Variants in NPAS3 observed in about 807,000 individuals in gnomAD.
The protein encoded by NPAS3 is neuronal PAS domain-containing protein 3.
A neutral mutation model predicts 73.1 loss-of-function variants in NPAS3; 14 were observed. That is an observed-to-expected ratio of 0.19 (90% CI 0.13 to 0.30). NPAS3 has a LOEUF of 0.30. Among genes scored for constraint, NPAS3 ranks in the 10% least tolerant of loss-of-function variants. NPAS3 has a pLI of 1.00. For missense variants in NPAS3, 1,096 were observed against 1,250.0 expected (o/e 0.88, Z 1.86); for synonymous variants, 620 against 541.5 (o/e 1.14, Z -2.01).
intron 1 of NPAS3, among the ~76,000 whole-genome samples, chr14:33,049,416 A>G (rs2040624772): frequency 1.3e-5 from 2 of 152,222 alleles, no homozygotes; most frequent in Admixed American, 1.3e-4. Flanking sequence ...TTAATGGAGA[A>G]CTCACAGTTC....
intron 5 of NPAS3, among the ~76,000 whole-genome samples, chr14:33,562,899 G>GCGCACACACACACA (rs1555412944): frequency 2.7e-5 from 4 of 149,736 alleles, no homozygotes; most frequent in African/African-American, 9.9e-5. Flanking sequence ...TCTTTTATGA[G>GCGCACACACACACA]CACACACACA....
chr14:33,064,824 A>G (rs550605549), intron 2 of NPAS3, among the ~76,000 whole-genome samples: 1 of 152,312 alleles, frequency 6.6e-6, no homozygotes, highest in African/African-American at 2.4e-5. Flanking sequence ...GTTTCTATGA[A>G]TAACACTTTT....
chr14:33,533,383 C>T (rs10145123), intron 4 of NPAS3, among the ~76,000 whole-genome samples: 53,997 of 151,872 alleles, frequency 0.36, 9,905 homozygotes, highest in African/African-American at 0.47. Flanking sequence ...AATGACCAAA[C>T]AATACATGAA....
Position 33,455,382 on chromosome 14 carries a change from G to C in NPAS3, c.468+88114G>C, listed in dbSNP as rs888998145. 2.4e-4 allele frequency among the ~76,000 whole-genome samples: 37 copies of C among 152,148 alleles called. 2 individuals are homozygous for C. The highest frequency in any genetic ancestry group is 5.9e-5 in the Non-Finnish European group (4 of 68,026). On this transcript the variant is annotated intron_variant, in intron 4 of 11. Transcript: ENST00000356141. Reference sequence around the variant, plus strand: ...GGTGCCTTCTAGTGAAATTCTTCGGGCTTTCACTTCTCAAGGTGGTCTTCC... The same window carrying C: ...GGTGCCTTCTAGTGAAATTCTTCGGCCTTTCACTTCTCAAGGTGGTCTTCC...
intron 4 of NPAS3, among the ~76,000 whole-genome samples, chr14:33,502,456 G>A (rs910403519): frequency 2.6e-5 from 4 of 151,920 alleles, no homozygotes; most frequent in Admixed American, 6.6e-5. Flanking sequence ...GTCCTGACCC[G>A]ACTTCTGCTC....
intron 2 of NPAS3, among the ~76,000 whole-genome samples, chr14:33,148,481 A>T (rs1196001778): frequency 6.6e-6 from 1 of 152,156 alleles, no homozygotes; most frequent in Admixed American, 6.5e-5. Flanking sequence ...GTATAGAGAT[A>T]CACACTGGAT....
chr14:33,560,252 C>G (rs753773028), intron 5 of NPAS3, 42 bp downstream of exon 5: 4 of 805,664 alleles, frequency 5.0e-6, no homozygotes, highest in East Asian at 4.9e-5. Context: ...GATTATGAAG[C>G]CTTCTTCAGC....
chr14:33,197,030 A>G (rs1594364522), intron 2 of NPAS3, among the ~76,000 whole-genome samples: 1 of 152,342 alleles, frequency 6.6e-6, no homozygotes, highest in East Asian at 1.9e-4. Flanking sequence ...AAAGGCTTCC[A>G]AATGAAGGCT....
At chr14:33,433,912 C>T (rs2048877175) in intron 4 of NPAS3, among the ~76,000 whole-genome samples, 2 of 152,214 alleles carry the variant, frequency 1.3e-5, no homozygotes, top group Middle Eastern at 3.4e-3. Context: ...CATACTAGGC[C>T]GGGCATGGTG....
At chr14:33,059,144 A>G (rs2040997593) in intron 2 of NPAS3, among the ~76,000 whole-genome samples, 1 of 152,182 alleles carries the variant, frequency 6.6e-6, no homozygotes, top group Non-Finnish European at 1.5e-5. Flanking sequence ...CTAAGCCCCA[A>G]GTGATTGTTA....
intron 5 of NPAS3, among the ~76,000 whole-genome samples, chr14:33,661,504 C>T (rs550482005): frequency 6.6e-6 from 1 of 152,270 alleles, no homozygotes; most frequent in East Asian, 1.9e-4. Flanking sequence ...CTGTAATGTC[C>T]AGAATTGCCA....
intron 3 of NPAS3, among the ~76,000 whole-genome samples, chr14:33,249,919 C>CACAG (rs2048521504): frequency 6.6e-6 from 1 of 151,680 alleles, no homozygotes; most frequent in Non-Finnish European, 1.5e-5. Context: ...CACACACACA[C>CACAG]ACACACACAC....
intron 2 of NPAS3, 28 bp from the exon 3 acceptor site, chr14:33,215,154 C>T (rs758905765): frequency 8.7e-6 from 14 of 1,610,006 alleles, no homozygotes; most frequent in Middle Eastern, 3.3e-4. Context: ...ATATTCTAAA[C>T]CACACATTCT....
chr14:33,266,477 G>T (rs2040821728), intron 3 of NPAS3, among the ~76,000 whole-genome samples: 1 of 152,128 alleles, frequency 6.6e-6, no homozygotes, highest in Admixed American at 6.6e-5. Flanking sequence ...TGCCATTTTA[G>T]ATATGGTTGC....
chr14:33,014,821 A>G (rs1362671464), intron 1 of NPAS3, among the ~76,000 whole-genome samples: 1 of 152,202 alleles, frequency 6.6e-6, no homozygotes, highest in Non-Finnish European at 1.5e-5. Context: ...CCACATGGAA[A>G]GAGAAGAGGT....
intron 3 of NPAS3, among the ~76,000 whole-genome samples, chr14:33,221,271 G>A (rs923567920): frequency 1.1e-4 from 16 of 152,148 alleles, no homozygotes; most frequent in African/African-American, 2.7e-4. Context: ...CTGTTCAGTC[G>A]TTAGGTCAGA....
chr14:33,679,971 G>A (rs1194165643), intron 6 of NPAS3, among the ~76,000 whole-genome samples: 16 of 152,186 alleles, frequency 1.1e-4, no homozygotes, highest in Non-Finnish European at 1.5e-5. Context: ...GAGTGGCCTT[G>A]TTTAAAATGT....
At chr14:32,941,298 TCCC>T (rs2035998531) in intron 1 of NPAS3, among the ~76,000 whole-genome samples, 2 of 61,858 alleles carry the variant, frequency 3.2e-5, no homozygotes, top group Non-Finnish European at 6.3e-5. Context: ...CCTCCCTCCC[TCCC>T]TCCCTCCCTC....
At chr14:33,201,378 CT>C (rs2046610529) in intron 2 of NPAS3, among the ~76,000 whole-genome samples, 2 of 151,988 alleles carry the variant, frequency 1.3e-5, no homozygotes, top group Admixed American at 1.3e-4. Context: ...CCCATTGCCC[CT>C]GGTGGCTCAT....
Sources: gnomAD v4.1 joint callset for allele counts (sites outside exome capture counted in the v4.1 genomes callset) on GRCh38, gnomAD v4.1.1 for gene constraint, MANE v1.5 for transcripts, NCBI Gene and HGNC (gene_info 2026-07-23, HGNC 2026-07-21) for gene names.